PRKG1: variants seen among roughly 807,000 people sequenced by gnomAD.
PRKG1 encodes protein kinase cGMP-dependent 1, also known as cGMP-dependent protein kinase 1.
Under a neutral mutation model 88.1 loss-of-function variants are expected in PRKG1, and 35 were observed. The observed-to-expected ratio is 0.40, with a 90% CI of 0.30 to 0.53. The LOEUF (loss-of-function observed/expected upper bound fraction) is 0.53, where lower values mean the gene tolerates loss of function less well. Among genes scored for constraint, PRKG1 ranks in the 20% least tolerant of loss-of-function variants. The pLI is 0.59. For missense variants in PRKG1, 540 were observed against 839.8 expected, an observed-to-expected ratio of 0.64 and a Z score of 4.41; for synonymous variants, 303 against 292.5, an observed-to-expected ratio of 1.04 and a Z score of -0.37.
chr10:51,155,451 G>A (rs1846182428), intron 2 of PRKG1, among the ~76,000 whole-genome samples: 1 of 151,936 alleles, frequency 6.6e-6, no homozygotes, highest in Admixed American at 6.6e-5. Context: ...TTGTAGATGA[G>A]GAGACTGAAG....
intron 1 of PRKG1, among the ~76,000 whole-genome samples, chr10:51,128,283 C>T (rs552483301): frequency 6.6e-6 from 1 of 151,822 alleles, no homozygotes; most frequent in Admixed American, 6.6e-5. Context: ...CAGAGTTGCA[C>T]GTATAGCAAA....
At chr10:52,048,097 G>A (rs1845906542) in intron 5 of PRKG1, among the ~76,000 whole-genome samples, 1 of 151,940 alleles carries the variant, frequency 6.6e-6, no homozygotes, top group Admixed American at 6.6e-5. Context: ...CATAGTATTG[G>A]TAATTGCCTG....
chr10:51,466,734 G>T (rs1437847005), intron 2 of PRKG1, among the ~76,000 whole-genome samples: 1 of 151,964 alleles, frequency 6.6e-6, no homozygotes, highest in Admixed American at 6.6e-5. Context: ...AAATATTGCA[G>T]GTAGCACACA....
At chr10:51,244,520 G>A (rs973446720) in intron 2 of PRKG1, among the ~76,000 whole-genome samples, 1 of 151,868 alleles carries the variant, frequency 6.6e-6, no homozygotes, top group African/African-American at 2.4e-5. Flanking sequence ...CTGCTGTGGA[G>A]TCTCTATTGC....
In PRKG1 at chr10:51,375,754, T is replaced by TGG. The variant is rs151137833; in HGVS notation, c.479-91963_479-91962dup. Among the ~76,000 whole-genome samples, 712 of 147,448 alleles carry TGG rather than the reference T, an allele frequency of 4.8e-3. 3 individuals are homozygous for TGG. Among genetic ancestry groups the TGG allele is most frequent in the African/African-American group, 0.013 (517 of 40,188 alleles). On this transcript the variant is annotated intron_variant, in intron 2 of 17. Coordinates refer to ENST00000373980, the MANE Select transcript of PRKG1 (RefSeq NM_006258.4). ...AAATATATAATATGAGTGTTGGTGG[T>TGG]GGGGGGGTGTTACTATTTTATATAA...
Position 51,262,415 on chromosome 10 carries a change from T to C in PRKG1, c.478+109085T>C, listed in dbSNP as rs1041526648. On this transcript the variant is annotated intron_variant, in intron 2 of 17. Coordinates refer to ENST00000373980, the MANE Select transcript of PRKG1 (RefSeq NM_006258.4). ...TATCAAATAATATTTATTGAGATCT[T>C]GAGTGTTCTCTGGCAGGTCTTCTGA... Among the ~76,000 whole-genome samples the C allele has an allele frequency of 5.3e-5, 8 of 152,282 alleles. No individual in the cohort carries two copies. In the East Asian group the frequency reaches 1.2e-3, roughly 22 times the overall value.
At chr10:51,084,959 T>A (rs556061579) in intron 1 of PRKG1, among the ~76,000 whole-genome samples, 10 of 152,352 alleles carry the variant, frequency 6.6e-5, no homozygotes, top group African/African-American at 2.2e-4. Flanking sequence ...AAAAAACATA[T>A]CTTCTGGATA....
intron 5 of PRKG1, among the ~76,000 whole-genome samples, chr10:51,996,482 A>G (rs562547294): frequency 5.3e-5 from 8 of 152,262 alleles, no homozygotes; most frequent in Admixed American, 2.0e-4. Context: ...CTGAATAACC[A>G]TTTCTCAATA....
intron 4 of PRKG1, among the ~76,000 whole-genome samples, chr10:51,863,163 C>T (rs891823628): frequency 2.6e-5 from 4 of 151,654 alleles, no homozygotes; most frequent in Non-Finnish European, 4.4e-5. Context: ...CAGATCATGA[C>T]CCTGATATGA....
chr10:51,316,165 C>A (rs780645928), intron 2 of PRKG1, among the ~76,000 whole-genome samples: 3 of 152,118 alleles, frequency 2.0e-5, no homozygotes, highest in Non-Finnish European at 4.4e-5. Context: ...AAGAGAGATT[C>A]TCTTTAAGAA....
intron 1 of PRKG1, among the ~76,000 whole-genome samples, chr10:51,067,440 G>T (rs1354575864): frequency 2.0e-5 from 3 of 151,928 alleles, no homozygotes; most frequent in African/African-American, 7.3e-5. Flanking sequence ...CTAACCAGTG[G>T]AAACTGGAAA....
chr10:51,539,815 T>A (rs904815506), intron 3 of PRKG1, among the ~76,000 whole-genome samples: 1 of 152,170 alleles, frequency 6.6e-6, no homozygotes, highest in Non-Finnish European at 1.5e-5. Flanking sequence ...GACTAGTTTG[T>A]TGATTACCTG....
chr10:52,238,216 C>A lies in PRKG1; in HGVS notation c.1077-13354C>A, dbSNP rs1177232752. On this transcript the variant is annotated intron_variant, in intron 9 of 17. Transcript: ENST00000373980. The stretch of plus-strand genomic sequence containing the variant: ...ACGTTAGACCTAAAACCATAAAAAC[C>A]CTAGAAGAAAACCTAGGCATTACCA... Among the ~76,000 whole-genome samples, 4 of 115,460 alleles carry A rather than the reference C, an allele frequency of 3.5e-5. No homozygotes were observed. The Admixed American group carries it at 3.7e-4, about 11-fold the overall frequency. 75.7% of individuals were successfully genotyped at this position (115,460 alleles called of 152,430 possible).
intron 3 of PRKG1, among the ~76,000 whole-genome samples, chr10:51,707,350 A>G (rs546630179): frequency 1.3e-5 from 2 of 152,300 alleles, no homozygotes; most frequent in South Asian, 2.1e-4. Flanking sequence ...ACTCGAGCGC[A>G]TAGTCCTGTT....
intron 2 of PRKG1, among the ~76,000 whole-genome samples, chr10:51,374,833 G>T (rs1489181442): frequency 1.3e-5 from 2 of 152,220 alleles, no homozygotes; most frequent in Non-Finnish European, 2.9e-5. Context: ...CTAAGCTCAC[G>T]TGAGTGTTGG....
intron 2 of PRKG1, among the ~76,000 whole-genome samples, chr10:51,238,485 G>A (rs937460815): frequency 1.5e-4 from 23 of 152,106 alleles, no homozygotes; most frequent in African/African-American, 5.6e-4. Context: ...AGGAGGCTGA[G>A]GCAGGAGAAT....
At chr10:51,003,133 G>A (rs1032906994) in intron 1 of PRKG1, among the ~76,000 whole-genome samples, 5 of 152,054 alleles carry the variant, frequency 3.3e-5, no homozygotes, top group African/African-American at 1.2e-4. Context: ...TAGATTGAAT[G>A]TTGGGTATGC....
intron 7 of PRKG1, among the ~76,000 whole-genome samples, chr10:52,085,089 G>A (rs899916093): frequency 1.3e-5 from 2 of 152,014 alleles, no homozygotes; most frequent in Admixed American, 6.6e-5. Context: ...GGAACCACAC[G>A]ACTGTCTCTC....
chr10:51,670,657 A>T (rs994318611), intron 3 of PRKG1, among the ~76,000 whole-genome samples: 2 of 147,932 alleles, frequency 1.4e-5, no homozygotes, highest in South Asian at 4.2e-4. Context: ...AATGGCGTGA[A>T]CCCGGGAGGC....
Sources: allele counts gnomAD v4.1 joint callset (sites outside exome capture counted in the v4.1 genomes callset), GRCh38; gene constraint gnomAD v4.1.1; transcripts MANE v1.5; gene names NCBI Gene and HGNC (gene_info 2026-07-23, HGNC 2026-07-21).